Variants in SNTG2 observed in about 807,000 individuals in gnomAD.
SNTG2 encodes the protein gamma-2-syntrophin.
A neutral mutation model predicts 70.9 loss-of-function variants in SNTG2; 74 were observed. The ratio of observed to expected loss-of-function variants is 1.04; its 90% CI spans 0.86 to 1.27. The LOEUF is 1.27. Ranked by LOEUF, SNTG2 falls within the 50% of genes most tolerant of loss-of-function variation. The probability of loss-of-function intolerance (pLI) is 0.00; values close to 1 mark genes in which losing one functional copy is unlikely to be tolerated. For missense variants in SNTG2, 717 were observed against 690.7 expected, an observed-to-expected ratio of 1.04 and a Z score of -0.43; for synonymous variants, 278 against 273.8, an observed-to-expected ratio of 1.02 and a Z score of -0.15.
At chr2:1,185,000 G>A (rs1672160081) in intron 8 of SNTG2, among the ~76,000 whole-genome samples, 1 of 152,130 alleles carries the variant, frequency 6.6e-6, no homozygotes, top group Non-Finnish European at 1.5e-5. Flanking sequence ...TAAAAAGTTA[G>A]TTACTTCCAA....
chr2:1,222,310 A>G (rs993861116), intron 9 of SNTG2, among the ~76,000 whole-genome samples: 1 of 152,338 alleles, frequency 6.6e-6, no homozygotes, highest in East Asian at 1.9e-4. Flanking sequence ...GCTTTTGGAC[A>G]TTAAGATCTT....
chr2:1,282,542 T>C (rs1435074773), intron 14 of SNTG2, among the ~76,000 whole-genome samples: 1 of 152,198 alleles, frequency 6.6e-6, no homozygotes, highest in Non-Finnish European at 1.5e-5. Context: ...TGCTTTTTAA[T>C]TATAATCCCC....
rs187834644 is a variant in SNTG2 at position 999,753 on chromosome 2, C to T, written c.72+48685C>T. Among the ~76,000 whole-genome samples the T allele has an allele frequency of 1.1e-4, 17 of 151,936 alleles. No homozygotes were observed. The East Asian group carries it at 1.5e-3, about 14-fold the overall frequency. On this transcript the variant is annotated intron_variant, in intron 1 of 16. Transcript: ENST00000308624. ...AGATTGAAAATCAACTAAAAATTAG[C>T]GGACTAAAATTTGTGGACCAGATGG...
chr2:1,317,084 G>A (rs1453616019), intron 16 of SNTG2, among the ~76,000 whole-genome samples: 5 of 87,820 alleles, frequency 5.7e-5, no homozygotes, highest in East Asian at 3.4e-4. Context: ...GGATTCTGGA[G>A]CATTTAGCAT....
At chr2:1,046,996 G>T (rs1359740863) in intron 1 of SNTG2, among the ~76,000 whole-genome samples, 1 of 152,132 alleles carries the variant, frequency 6.6e-6, no homozygotes, top group Non-Finnish European at 1.5e-5. Flanking sequence ...AGGAATGTCA[G>T]TCAGTCATAG....
intron 1 of SNTG2, among the ~76,000 whole-genome samples, chr2:1,016,641 T>C (rs560717948): frequency 5.6e-4 from 85 of 152,330 alleles, no homozygotes; most frequent in African/African-American, 2.0e-3. Flanking sequence ...GGAGGAAGGC[T>C]GAGACAGGAA....
chr2:1,247,548 T>G, intron 12 of SNTG2, 105 bp downstream of exon 12: 1 of 778,192 alleles, frequency 1.3e-6, no homozygotes, highest in Non-Finnish European at 2.2e-6. Context: ...GACAGAGTGC[T>G]TGGTCCTGCC....
chr2:1,099,823 C>T (rs573493143), intron 4 of SNTG2, among the ~76,000 whole-genome samples: 1 of 152,310 alleles, frequency 6.6e-6, no homozygotes, highest in Non-Finnish European at 1.5e-5. Context: ...CCACAGAATG[C>T]GTTGCCATGA....
chr2:1,210,785 GTATT>G (rs1435642710), intron 9 of SNTG2: 1 of 152,114 alleles, frequency 6.6e-6, no homozygotes, highest in African/African-American at 2.4e-5. Flanking sequence ...TTGGTTTTGT[GTATT>G]TAGATACACA....
intron 1 of SNTG2, among the ~76,000 whole-genome samples, chr2:1,062,523 T>C (rs1305733456): frequency 6.6e-6 from 1 of 152,112 alleles, no homozygotes; most frequent in Non-Finnish European, 1.5e-5. Context: ...AAAAATGAAG[T>C]GGGGTTAATC....
intron 1 of SNTG2, among the ~76,000 whole-genome samples, chr2:988,298 A>C (rs958584042): frequency 3.9e-5 from 6 of 152,200 alleles, no homozygotes; most frequent in African/African-American, 1.2e-4. Context: ...TTAGACACTC[A>C]TGACCCCAGA....
At position 1,247,372 on chromosome 2, in the gene SNTG2, TCCTCTCAAA is replaced by T; in HGVS notation, c.938_946del (p.Ser313_Thr315del). The T allele has an allele frequency of 6.2e-7, 1 of 1,613,976 alleles. No individual in the cohort carries two copies. Among genetic ancestry groups the T allele is most frequent in the Non-Finnish European group, 8.5e-7 (1 of 1,179,894 alleles). On this transcript the variant is annotated inframe_deletion, in exon 12 of 17. Coordinates refer to ENST00000308624, the MANE Select transcript of SNTG2 (RefSeq NM_018968.4). ...AAATGAGAAACTCCAAGGAGCTGAC[TCCTCTCAAA>T]CCTTCAGACCCAAGTTCCTAGCACT... is the stretch of plus-strand genomic sequence containing the variant.
At chr2:1,173,764 A>G (rs1221871408) in intron 8 of SNTG2, among the ~76,000 whole-genome samples, 1 of 152,212 alleles carries the variant, frequency 6.6e-6, no homozygotes, top group Non-Finnish European at 1.5e-5. Flanking sequence ...GGGCTCTGAG[A>G]GAACCTGCAG....
intron 2 of SNTG2, among the ~76,000 whole-genome samples, chr2:1,093,636 T>C (rs999546326): frequency 2.4e-4 from 36 of 152,260 alleles, no homozygotes; most frequent in Admixed American, 1.8e-3. Flanking sequence ...TTTGACACAC[T>C]GAAGTCCTGG....
chr2:1,154,993 TAC>T (rs956209946), intron 6 of SNTG2, among the ~76,000 whole-genome samples: 39 of 88,792 alleles, frequency 4.4e-4, no homozygotes, highest in Admixed American at 3.8e-3. Context: ...ACCACACATA[TAC>T]ACACACACAA....
chr2:1,041,736 G>A (rs558296819), intron 1 of SNTG2, among the ~76,000 whole-genome samples: 6 of 152,120 alleles, frequency 3.9e-5, no homozygotes, highest in African/African-American at 9.7e-5. Context: ...GGTGCCATGC[G>A]TCCTACACAG....
intron 7 of SNTG2, among the ~76,000 whole-genome samples, chr2:1,165,843 T>C (rs184387127): frequency 1.6e-4 from 24 of 152,318 alleles, no homozygotes; most frequent in African/African-American, 4.8e-4. Context: ...TTGAAGGAAG[T>C]GTTATCAGAC....
chr2:1,151,096 C>G (rs184333937), intron 6 of SNTG2, among the ~76,000 whole-genome samples: 2 of 152,278 alleles, frequency 1.3e-5, no homozygotes, highest in Admixed American at 1.3e-4. Flanking sequence ...TATGGTATGA[C>G]GAACAGTGGA....
intron 2 of SNTG2, among the ~76,000 whole-genome samples, chr2:1,091,543 A>G (rs1665028224): frequency 6.6e-6 from 1 of 152,118 alleles, no homozygotes; most frequent in Non-Finnish European, 1.5e-5. Flanking sequence ...CAGCTCCCAG[A>G]GACCCCAGTG....
Sources: gnomAD v4.1 joint callset for allele counts (sites outside exome capture counted in the v4.1 genomes callset) on GRCh38, gnomAD v4.1.1 for gene constraint, MANE v1.5 for transcripts, NCBI Gene and HGNC (gene_info 2026-07-23, HGNC 2026-07-21) for gene names.